The following CELSR1 variants were observed in gnomAD, a reference collection of about 807,000 sequenced individuals.
CELSR1 encodes the protein cadherin EGF LAG seven-pass G-type receptor 1.
CELSR1 carries 110 observed loss-of-function variants against 249.1 expected under a neutral mutation model. The ratio of observed to expected loss-of-function variants is 0.44; its 90% CI spans 0.38 to 0.52. The LOEUF (loss-of-function observed/expected upper bound fraction) is 0.52. Ranked by LOEUF, CELSR1 falls within the 20% of genes least tolerant of loss-of-function variation. The pLI is 0.00. For synonymous variants in CELSR1, 2,113 were observed against 1,900.0 expected (o/e 1.11, Z -2.92); for missense variants, 4,109 against 4,296.4 (o/e 0.96, Z 1.22).
intron 20 of CELSR1, among the ~76,000 whole-genome samples, chr22:46,383,783 C>T (rs1422265616): frequency 2.0e-5 from 3 of 152,290 alleles, no homozygotes; most frequent in South Asian, 2.1e-4. Flanking sequence ...CTCCCTGTGT[C>T]GGCCTCCCAA....
rs1364453039 is a variant in CELSR1 at position 46,437,850 on chromosome 22, C to T, written c.4406+1339G>A. On this transcript the variant is annotated intron_variant, in intron 3 of 34. Transcript: ENST00000674500. The surrounding 1 kb of genome is among the most constrained non-coding windows in gnomAD (Gnocchi z 4.9). The stretch of plus-strand genomic sequence containing the variant: ...GACGACAAACACAAAGAAGAATACC[C>T]ACACAGCACACTGATGCTTGGGCAG... Among the ~76,000 whole-genome samples, 2 of 152,150 alleles carry T rather than the reference C, an allele frequency of 1.3e-5. No homozygotes were observed. Among genetic ancestry groups the T allele is most frequent in the Admixed American group, 1.3e-4 (2 of 15,282 alleles).
intron 23 of CELSR1, among the ~76,000 whole-genome samples, chr22:46,378,294 G>A (rs776946340): frequency 3.3e-5 from 5 of 152,112 alleles, no homozygotes; most frequent in Non-Finnish European, 5.9e-5. Flanking sequence ...CCTGAGCTTT[G>A]GGTCTGCCAT....
chr22:46,478,185 C>T (rs2080229172), intron 1 of CELSR1, among the ~76,000 whole-genome samples: 1 of 152,212 alleles, frequency 6.6e-6, no homozygotes, highest in African/African-American at 2.4e-5. Context: ...TTTGCCAGAC[C>T]ACTCGGGCCT....
chr22:46,376,815 A>AAG (rs1555906486), intron 24 of CELSR1, among the ~76,000 whole-genome samples: 2 of 151,674 alleles, frequency 1.3e-5, no homozygotes, highest in African/African-American at 4.9e-5. Flanking sequence ...AAAAAAAAAA[A>AAG]AAAGAAAGAA....
rs556130430 is a variant in CELSR1 at position 46,524,919 on chromosome 22, C to T, written c.3544+8708G>A. On this transcript the variant is annotated intron_variant, in intron 1 of 34. Transcript: ENST00000674500. ...CCAAGTAAAGGCACTGGGCCCTCCA[C>T]CTGGCAGGCAGCCCCCTCCCCTCAC... Among the ~76,000 whole-genome samples the T allele has an allele frequency of 4.4e-4, 67 of 152,278 alleles. 2 individuals carry two copies. In the South Asian group the frequency reaches 0.012, roughly 27 times the overall value.
chr22:46,536,851 G>A lies in CELSR1; in HGVS notation c.320C>T (p.Ala107Val). 1 of 1,232,002 alleles carries A rather than the reference G, an allele frequency of 8.1e-7. No individual in the cohort carries two copies. The highest frequency in any genetic ancestry group is 1.0e-6 in the Non-Finnish European group (1 of 983,184). The allele number at this position is 1,232,002 out of a possible 1,614,324, so 76.3% of individuals were successfully genotyped here. ...APTALSRRLRARTHLPGCGAR... is the reference protein window; with the variant it reads ...APTALSRRLRVRTHLPGCGAR... ...TCCGCAGCCGGGAAGGTGCGTGCGC[G>A]CCCGCAGGCGGCGGCTCAGCGCCGT... Residue 107 changes from alanine (A) to valine (V), a missense_variant, in exon 1 of 35, where the codon GCG becomes GTG. By Grantham distance (64) the Ala-to-Val change is moderately conservative. Transcript: ENST00000674500.
chr22:46,386,721 C>A, intron 18 of CELSR1, 136 bp from the exon 19 acceptor site: 1 of 647,650 alleles, frequency 1.5e-6, no homozygotes, highest in Non-Finnish European at 2.4e-6. Context: ...AGACTGTGCT[C>A]TTTAATATTA....
In CELSR1 at chr22:46,456,791, G is replaced by A. The variant is rs189161608; in HGVS notation, c.4183+6916C>T. 6.5e-4 allele frequency among the ~76,000 whole-genome samples: 99 copies of A among 151,456 alleles called. 1 individual carries two copies. The highest frequency in any genetic ancestry group is 5.9e-4 in the Admixed American group (9 of 15,194). On this transcript the variant is annotated intron_variant, in intron 2 of 34. Transcript: ENST00000674500. ...TTAAGATTTTCCCATGAGCACACAG[G>A]TGATTATGTTTTTACACCAGAAGTT...
chr22:46,390,971 C>T lies in CELSR1; in HGVS notation c.6250+215G>A, dbSNP rs1035835534. ...GGACTGGCCGGGCCTGACTGGCGGG[C>T]GTCCCCACACGCGCTGCACTGTTCA... is the stretch of plus-strand genomic sequence containing the variant. On this transcript the variant is annotated intron_variant, in intron 16 of 34. Coordinates refer to ENST00000674500, the MANE Select transcript of CELSR1 (RefSeq NM_001378328.1). This position sits in a 1 kb window ranked among gnomAD's most constrained non-coding sequence, Gnocchi z 6.3. 3.3e-5 allele frequency among the ~76,000 whole-genome samples: 5 copies of T among 152,258 alleles called. No homozygotes were observed. The highest frequency in any genetic ancestry group is 5.9e-5 in the Non-Finnish European group (4 of 67,976).
rs148613417 is a variant in CELSR1, at chr22:46,468,138, A to C, written c.3545-3793T>G. Among the ~76,000 whole-genome samples the C allele has an allele frequency of 0.024, 3,695 of 152,158 alleles. 124 individuals carry two copies. Among genetic ancestry groups the C allele is most frequent in the African/African-American group, 0.083 (3,455 of 41,492 alleles). On this transcript the variant is annotated intron_variant, in intron 1 of 34. Coordinates refer to ENST00000674500, the MANE Select transcript of CELSR1 (RefSeq NM_001378328.1). The surrounding 1 kb of genome is among the most constrained non-coding windows in gnomAD (Gnocchi z 4.5). The stretch of plus-strand genomic sequence containing the variant: ...TGTGGTGGCTTACACCTGTAATCAC[A>C]GCACTTTGGGAGGCCGAGGTGGGTG...
chr22:46,529,814 A>G lies in CELSR1; in HGVS notation c.3544+3813T>C, dbSNP rs187675150. Among the ~76,000 whole-genome samples, 135 of 152,220 alleles carry G rather than the reference A, an allele frequency of 8.9e-4. 3 individuals are homozygous for G. The Middle Eastern group carries it at 0.024, about 27-fold the overall frequency. On this transcript the variant is annotated intron_variant, in intron 1 of 34. Coordinates refer to ENST00000674500, the MANE Select transcript of CELSR1 (RefSeq NM_001378328.1). ...TGAGACTCCATCTCAAAAAAAAAAA[A>G]AGAATAAGACCTAGTATTTAGCCCA...
rs186068208 is a variant in CELSR1, at chr22:46,413,452, C to T, written c.4612-1693G>A. On this transcript the variant is annotated intron_variant, in intron 5 of 34. Coordinates refer to ENST00000674500, the MANE Select transcript of CELSR1 (RefSeq NM_001378328.1). This position sits in a 1 kb window ranked among gnomAD's most constrained non-coding sequence, Gnocchi z 4.7. ...ATCCAATCATCTAACGTGAGTGAGA[C>T]CCATGACTGTACCTCAATTTCTTTT... Among the ~76,000 whole-genome samples the T allele has an allele frequency of 1.3e-5, 2 of 152,310 alleles. No individual in the cohort carries two copies. The highest frequency in any genetic ancestry group is 4.8e-5 in the African/African-American group (2 of 41,572).
In CELSR1 at chr22:46,417,776, A is replaced by C. The variant is rs1458852309; in HGVS notation, c.4612-6017T>G. Among the ~76,000 whole-genome samples, 5 of 152,226 alleles carry C rather than the reference A, an allele frequency of 3.3e-5. No homozygotes were observed. The East Asian group carries it at 9.6e-4, about 29-fold the overall frequency. Reference sequence around the variant, plus strand: ...CTGCTATCTCTAGGGCTGTTTGGGAATGAAATGAAAGGACGGATCTGAAAC... The same window carrying C: ...CTGCTATCTCTAGGGCTGTTTGGGACTGAAATGAAAGGACGGATCTGAAAC... On this transcript the variant is annotated intron_variant, in intron 5 of 34. Coordinates refer to ENST00000674500, the MANE Select transcript of CELSR1 (RefSeq NM_001378328.1). This position sits in a 1 kb window ranked among gnomAD's most constrained non-coding sequence, Gnocchi z 4.1.
chr22:46,513,715 C>A (rs999072215), intron 1 of CELSR1, among the ~76,000 whole-genome samples: 5 of 152,168 alleles, frequency 3.3e-5, no homozygotes, highest in Non-Finnish European at 5.9e-5. Context: ...CTCACCTGCG[C>A]AGAGAGCCTC....
chr22:46,377,174 T>C lies in CELSR1; in HGVS notation c.7471A>G (p.Ser2491Gly). 1 of 1,613,370 alleles carries C rather than the reference T, an allele frequency of 6.2e-7. No homozygotes were observed. Among genetic ancestry groups the C allele is most frequent in the Non-Finnish European group, 8.5e-7 (1 of 1,179,896 alleles). Residue 2491 changes from serine to glycine, a missense_variant, in exon 24 of 35, where the codon AGC (serine) becomes GGC (glycine). Transcript: ENST00000674500. ...AALLVAFVLL[S>G]LVRMLRSNLH... ...TTGGAGCGCAGCATGCGGACCAGGC[T>C]CAGGAGGACGAAGGCCACCAGCAGG... is the stretch of plus-strand genomic sequence containing the variant.
chr22:46,404,273 G>A (rs534120700), intron 9 of CELSR1, among the ~76,000 whole-genome samples: 5 of 152,048 alleles, frequency 3.3e-5, no homozygotes, highest in Admixed American at 6.6e-5. Flanking sequence ...TTAGCTGGGC[G>A]TGGTGGCACA....
At chr22:46,492,852 T>C (rs2080380647) in intron 1 of CELSR1, among the ~76,000 whole-genome samples, 1 of 151,784 alleles carries the variant, frequency 6.6e-6, no homozygotes, top group Admixed American at 6.6e-5. Flanking sequence ...TGACTCTCTG[T>C]CTCAGAAAAA....
rs2078892606 is a variant in CELSR1 at position 46,374,188 on chromosome 22, C to A, written c.7585-1131G>T. Among the ~76,000 whole-genome samples, 1 of 152,194 alleles carries A rather than the reference C, an allele frequency of 6.6e-6. No homozygotes were observed. The highest frequency in any genetic ancestry group is 2.4e-5 in the African/African-American group (1 of 41,448). On this transcript the variant is annotated intron_variant, in intron 24 of 34. Coordinates refer to ENST00000674500, the MANE Select transcript of CELSR1 (RefSeq NM_001378328.1). The surrounding 1 kb of genome is among the most constrained non-coding windows in gnomAD (Gnocchi z 4.3). ...GAGCGTGTGGCTGGAGAACTCTACA[C>A]CAAACACCCTGGTTTCCTGAGTGGA...
At chr22:46,392,102 A>T (rs1217757671) in intron 14 of CELSR1, among the ~76,000 whole-genome samples, 1 of 152,262 alleles carries the variant, frequency 6.6e-6, no homozygotes, top group African/African-American at 2.4e-5. Context: ...TCCTAAAAAG[A>T]ATCAGAGATC....
Sources: allele counts gnomAD v4.1 joint callset (sites outside exome capture counted in the v4.1 genomes callset), GRCh38; gene constraint gnomAD v4.1.1; non-coding constraint Gnocchi (gnomAD v3.1); transcripts MANE v1.5; gene names NCBI Gene and HGNC (gene_info 2026-07-23, HGNC 2026-07-21).